SDK1: variants seen among roughly 807,000 people sequenced by gnomAD.
SDK1 encodes the protein sidekick cell adhesion molecule 1.
Under a neutral mutation model 245.5 loss-of-function variants are expected in SDK1, and 157 were observed. The observed-to-expected ratio is 0.64, with a 90% CI of 0.56 to 0.73. The LOEUF is 0.73. Among genes scored for constraint, SDK1 ranks in the 30% least tolerant of loss-of-function variants. The pLI is 0.00. For missense variants in SDK1, 3,583 were observed against 3,002.3 expected (o/e 1.19, Z -4.52); for synonymous variants, 1,647 against 1,278.5 (o/e 1.29, Z -6.15).
intron 38 of SDK1, among the ~76,000 whole-genome samples, chr7:4,215,138 G>A (rs994045789): frequency 5.9e-5 from 9 of 152,180 alleles, no homozygotes; most frequent in African/African-American, 1.4e-4. Flanking sequence ...AGGCCTGTCC[G>A]ACAAGCCACA....
chr7:3,486,141 T>G (rs1349098363), intron 1 of SDK1, among the ~76,000 whole-genome samples: 1 of 152,054 alleles, frequency 6.6e-6, no homozygotes, highest in Non-Finnish European at 1.5e-5. Flanking sequence ...GGTTATTTGG[T>G]CTTTTGTTTT....
At chr7:3,638,243 A>C (rs891247229) in intron 2 of SDK1, among the ~76,000 whole-genome samples, 6 of 152,136 alleles carry the variant, frequency 3.9e-5, no homozygotes, top group African/African-American at 1.2e-4. Context: ...ATAATCTCAG[A>C]AATAAAGAAA....
Position 3,652,195 on chromosome 7 carries a change from G to A in SDK1, c.713+10090G>A, listed in dbSNP as rs74613649. Among the ~76,000 whole-genome samples, 468 of 152,316 alleles carry A rather than the reference G, an allele frequency of 3.1e-3. 17 individuals are homozygous for A. The East Asian group carries it at 0.08, about 26-fold the overall frequency. On this transcript the variant is annotated intron_variant, in intron 4 of 44. Coordinates refer to ENST00000404826, the MANE Select transcript of SDK1 (RefSeq NM_152744.4). ...TCTTGTGAGCGGCTGCAGAGAAACC[G>A]CGCGTGTCTCTGAGGACACGAAGTC...
chr7:3,638,054 T>C (rs1289706475), intron 2 of SDK1, among the ~76,000 whole-genome samples: 1 of 152,258 alleles, frequency 6.6e-6, no homozygotes, highest in Non-Finnish European at 1.5e-5. Context: ...TTGAGAGGGC[T>C]AGTTTAAATG....
intron 1 of SDK1, among the ~76,000 whole-genome samples, chr7:3,391,320 C>T (rs1384061776): frequency 6.6e-6 from 1 of 152,158 alleles, no homozygotes; most frequent in African/African-American, 2.4e-5. Context: ...CTATCAAGCA[C>T]ACATGACCTT....
At chr7:3,883,864 C>G (rs1360034961) in intron 5 of SDK1, among the ~76,000 whole-genome samples, 1 of 152,120 alleles carries the variant, frequency 6.6e-6, no homozygotes, top group African/African-American at 2.4e-5. Flanking sequence ...GCGTTTTCTC[C>G]TTCACTCAAA....
At chr7:3,801,134 G>A (rs765978820) in intron 4 of SDK1, among the ~76,000 whole-genome samples, 36 of 152,178 alleles carry the variant, frequency 2.4e-4, no homozygotes, top group African/African-American at 7.5e-4. Context: ...CATAGATGCG[G>A]ATGATTAAAT....
At position 3,631,074 on chromosome 7, in the gene SDK1, C is replaced by A. The variant is rs73298232; in HGVS notation, c.459-7930C>A. ...CAGCCTCCCAAGTAGCTTGGGACTA[C>A]AGGCACATGCTGCCACGCCTGGTTA... On this transcript the variant is annotated intron_variant, in intron 2 of 44. Coordinates refer to ENST00000404826, the MANE Select transcript of SDK1 (RefSeq NM_152744.4). 8.7e-3 allele frequency among the ~76,000 whole-genome samples: 1,322 copies of A among 152,138 alleles called. 25 individuals carry two copies. Among genetic ancestry groups the A allele is most frequent in the African/African-American group, 0.03 (1,242 of 41,516 alleles).
intron 1 of SDK1, among the ~76,000 whole-genome samples, chr7:3,529,818 C>A (rs1322246017): frequency 6.6e-6 from 1 of 152,126 alleles, no homozygotes; most frequent in African/African-American, 2.4e-5. Context: ...ACATCACGTG[C>A]CTCCCAAGGA....
intron 17 of SDK1, among the ~76,000 whole-genome samples, chr7:4,027,444 G>A (rs1028478244): frequency 3.9e-5 from 6 of 152,184 alleles, no homozygotes; most frequent in African/African-American, 1.2e-4. Context: ...TACTAAGTAG[G>A]ATGTAGAAAT....
At chr7:4,165,927 C>A (rs530945270) in intron 32 of SDK1, among the ~76,000 whole-genome samples, 1 of 152,172 alleles carries the variant, frequency 6.6e-6, no homozygotes, top group African/African-American at 2.4e-5. Flanking sequence ...TCTAGGACTA[C>A]AGGTGTGCAC....
intron 1 of SDK1, among the ~76,000 whole-genome samples, chr7:3,541,279 T>C (rs137871270): frequency 7.5e-4 from 115 of 152,354 alleles, no homozygotes; most frequent in Non-Finnish European, 1.2e-3. Context: ...AGAAATTGTC[T>C]AGTAGAGCAA....
At chr7:3,641,931 C>T (rs1782663144) in intron 3 of SDK1, 27 bp from the exon 4 acceptor site, 2 of 1,599,934 alleles carry the variant, frequency 1.3e-6, no homozygotes, top group African/African-American at 2.7e-5. Flanking sequence ...TTTTCTAGAA[C>T]TTGAAAGCAC....
At chr7:3,740,398 T>C (rs761413410) in intron 4 of SDK1, among the ~76,000 whole-genome samples, 2 of 152,186 alleles carry the variant, frequency 1.3e-5, no homozygotes, top group African/African-American at 2.4e-5. Context: ...CTGTTGCTTG[T>C]TAGCCCCAGT....
chr7:3,616,400 T>C (rs1781772999), intron 1 of SDK1, among the ~76,000 whole-genome samples: 1 of 152,210 alleles, frequency 6.6e-6, no homozygotes, highest in South Asian at 2.1e-4. Context: ...GCCCTGCTCA[T>C]CCCACTTCCA....
At chr7:3,734,492 T>C (rs1055594430) in intron 4 of SDK1, among the ~76,000 whole-genome samples, 12 of 152,254 alleles carry the variant, frequency 7.9e-5, no homozygotes, top group African/African-American at 2.4e-4. Flanking sequence ...GGATGTACTT[T>C]AGTATTTGTC....
chr7:4,265,507 G>A lies in SDK1; in HGVS notation c.*123G>A, dbSNP rs1562496685. 4 of 1,371,640 alleles carry A rather than the reference G, an allele frequency of 2.9e-6. No homozygotes were observed. The highest frequency in any genetic ancestry group is 3.7e-6 in the Non-Finnish European group (4 of 1,071,162). The allele number at this position is 1,371,640 out of a possible 1,614,324, so 85.0% of individuals were successfully genotyped here. A position where few individuals can be genotyped will look rare whatever the true frequency, so the allele number is the denominator to read the frequency against. On this transcript the variant is annotated 3_prime_UTR_variant, in exon 45 of 45. Transcript: ENST00000404826. The stretch of plus-strand genomic sequence containing the variant: ...GTTTAAAAAGAAAAAAATCTGATAA[G>A]TGATGATTTTACCTACTTGTGGACA...
chr7:3,746,547 C>A (rs1275693614), intron 4 of SDK1, among the ~76,000 whole-genome samples: 5 of 152,228 alleles, frequency 3.3e-5, no homozygotes, highest in Admixed American at 2.0e-4. Flanking sequence ...GCTGCTTTAT[C>A]AACTAAGAGT....
intron 4 of SDK1, among the ~76,000 whole-genome samples, chr7:3,763,026 T>G (rs774983119): frequency 7.2e-5 from 11 of 152,232 alleles, no homozygotes; most frequent in Non-Finnish European, 1.6e-4. Context: ...GGAGAGTAAT[T>G]TTCTGGGATC....
Sources: allele counts gnomAD v4.1 joint callset (sites outside exome capture counted in the v4.1 genomes callset), GRCh38; gene constraint gnomAD v4.1.1; transcripts MANE v1.5; gene names NCBI Gene and HGNC (gene_info 2026-07-23, HGNC 2026-07-21).